LAMA2: variants seen among roughly 807,000 people sequenced by gnomAD.
LAMA2 encodes the protein laminin subunit alpha-2.
Under a neutral mutation model 364.8 loss-of-function variants are expected in LAMA2, and 269 were observed. That is an observed-to-expected ratio of 0.74 (90% CI 0.67 to 0.82). LAMA2 has a LOEUF of 0.82. LAMA2 is among the 40% of genes least tolerant of loss of function. The pLI, the probability that LAMA2 is intolerant of heterozygous loss-of-function variation, is 0.00. For missense variants in LAMA2, 3,807 were observed against 3,873.2 expected (o/e 0.98, Z 0.45); for synonymous variants, 1,379 against 1,370.6 (o/e 1.01, Z -0.14).
chr6:129,330,590 TGG>T (rs1491435227), intron 29 of LAMA2, among the ~76,000 whole-genome samples: 77 of 74,940 alleles, frequency 1.0e-3, no homozygotes, highest in South Asian at 2.3e-3. Context: ...TGTTGTTGTT[TGG>T]TTTTTGTTTT....
chr6:128,931,542 A>G (rs1050710174), intron 1 of LAMA2, among the ~76,000 whole-genome samples: 1 of 152,236 alleles, frequency 6.6e-6, no homozygotes, highest in Admixed American at 6.5e-5. Flanking sequence ...GTTAAAAAAC[A>G]TAAATATCTG....
At chr6:129,271,629 A>T (rs1787948696) in intron 17 of LAMA2, among the ~76,000 whole-genome samples, 2 of 152,038 alleles carry the variant, frequency 1.3e-5, no homozygotes, top group Admixed American at 1.3e-4. Context: ...AACAATTTTT[A>T]CTCAAAAGTG....
chr6:129,113,545 C>G (rs941416076), intron 4 of LAMA2, among the ~76,000 whole-genome samples: 2 of 151,960 alleles, frequency 1.3e-5, no homozygotes, highest in African/African-American at 4.8e-5. Flanking sequence ...GACATACCCT[C>G]TACTAGTTAA....
chr6:128,951,323 G>A (rs1481689879), intron 1 of LAMA2, among the ~76,000 whole-genome samples: 2 of 152,170 alleles, frequency 1.3e-5, no homozygotes, highest in Admixed American at 1.3e-4. Flanking sequence ...GCCTGTTAGA[G>A]GGCCTGTCAT....
At chr6:128,961,351 ATATATATATATATATATT>A (rs1338512014) in intron 1 of LAMA2, among the ~76,000 whole-genome samples, 5 of 78,078 alleles carry the variant, frequency 6.4e-5, no homozygotes, top group African/African-American at 2.3e-4. Context: ...ATATATATAT[ATATATATATATATATATT>A]AGTTTATTAA....
At chr6:129,410,235 T>C (rs2114709324) in intron 40 of LAMA2, among the ~76,000 whole-genome samples, 1 of 152,250 alleles carries the variant, frequency 6.6e-6, no homozygotes, top group Non-Finnish European at 1.5e-5. Context: ...CTTTCCTCCC[T>C]TTCTCCCTTT....
intron 34 of LAMA2, among the ~76,000 whole-genome samples, chr6:129,381,238 G>T (rs1293205043): frequency 6.6e-6 from 1 of 152,176 alleles, no homozygotes; most frequent in Non-Finnish European, 1.5e-5. Flanking sequence ...CCTTATTATG[G>T]TGTTCAGTAA....
In LAMA2 at chr6:129,144,193, T is replaced by C. The variant is rs150421721; in HGVS notation, c.819+113T>C. On this transcript the variant is annotated intron_variant, in intron 5 of 64. Transcript: ENST00000421865. ...ATTTGTAGGAGTGGTTATTATCAAA[T>C]TTTTATTTTAGAATTGTAGATTATT... 520 of 731,800 alleles carry C rather than the reference T, an allele frequency of 7.1e-4. 1 individual carries two copies. In the African/African-American group the frequency reaches 7.4e-3, roughly 10 times the overall value. The allele number at this position is 731,800 out of a possible 1,614,324, so 45.3% of individuals were successfully genotyped here.
intron 55 of LAMA2, among the ~76,000 whole-genome samples, chr6:129,485,193 T>C (rs1225661964): frequency 6.6e-6 from 1 of 152,184 alleles, no homozygotes; most frequent in Admixed American, 6.5e-5. Flanking sequence ...TAAAGGATAC[T>C]TGATTCCTTC....
chr6:129,005,514 A>C (rs1784397249), intron 1 of LAMA2, among the ~76,000 whole-genome samples: 1 of 151,966 alleles, frequency 6.6e-6, no homozygotes, highest in Non-Finnish European at 1.5e-5. Context: ...ATGGGTATAG[A>C]TAACTTTTTG....
intron 56 of LAMA2, among the ~76,000 whole-genome samples, chr6:129,491,683 G>T (rs1206736679): frequency 2.0e-5 from 3 of 152,202 alleles, no homozygotes; most frequent in Admixed American, 2.0e-4. Context: ...AGTGCGCCAT[G>T]ACCTGGTTTC....
chr6:129,074,093 C>T (rs1773483917), intron 3 of LAMA2, among the ~76,000 whole-genome samples: 3 of 152,064 alleles, frequency 2.0e-5, no homozygotes. Context: ...TAGGGATAGA[C>T]TTTCAGGACT....
intron 12 of LAMA2, among the ~76,000 whole-genome samples, chr6:129,214,179 T>C (rs1329724894): frequency 1.3e-5 from 2 of 152,134 alleles, no homozygotes; most frequent in Non-Finnish European, 2.9e-5. Flanking sequence ...GACTAGGAGA[T>C]CCAAGTTAGG....
chr6:128,954,790 A>G (rs761195264), intron 1 of LAMA2, among the ~76,000 whole-genome samples: 13 of 152,140 alleles, frequency 8.5e-5, no homozygotes, highest in Non-Finnish European at 1.6e-4. Context: ...GGTTTAAGGC[A>G]GAGAAGTATT....
intron 40 of LAMA2, among the ~76,000 whole-genome samples, chr6:129,416,861 C>G (rs1230452126): frequency 6.6e-6 from 1 of 152,192 alleles, no homozygotes; most frequent in Non-Finnish European, 1.5e-5. Flanking sequence ...GCTAAGCGTG[C>G]CAGCTGCAGT....
chr6:129,506,447 T>C (rs1010795059), intron 61 of LAMA2, among the ~76,000 whole-genome samples: 2 of 152,130 alleles, frequency 1.3e-5, no homozygotes, highest in Non-Finnish European at 2.9e-5. Flanking sequence ...AATGATGGTA[T>C]GTATTCATGG....
intron 3 of LAMA2, among the ~76,000 whole-genome samples, chr6:129,072,395 T>G (rs773877453): frequency 6.6e-6 from 1 of 152,172 alleles, no homozygotes; most frequent in Non-Finnish European, 1.5e-5. Flanking sequence ...ACTAGCTTCC[T>G]TTTTTCTCTG....
intron 1 of LAMA2, among the ~76,000 whole-genome samples, chr6:128,998,289 G>T (rs1369527865): frequency 6.6e-6 from 1 of 152,222 alleles, no homozygotes; most frequent in Non-Finnish European, 1.5e-5. Context: ...AACTGATTAA[G>T]AAGTAGCATC....
chr6:129,492,844 T>G (rs575360478), intron 58 of LAMA2, among the ~76,000 whole-genome samples: 2 of 152,310 alleles, frequency 1.3e-5, no homozygotes, highest in African/African-American at 4.8e-5. Flanking sequence ...TTTTAGAAAC[T>G]AGTAATACAC....
Sources: allele counts gnomAD v4.1 joint callset (sites outside exome capture counted in the v4.1 genomes callset), GRCh38; gene constraint gnomAD v4.1.1; transcripts MANE v1.5; gene names NCBI Gene and HGNC (gene_info 2026-07-23, HGNC 2026-07-21).